Variants in EXOC4 observed in about 807,000 individuals in gnomAD.
The protein encoded by EXOC4 is SEC8-like 1.
In EXOC4, 71 loss-of-function variants were observed where a neutral mutation model predicts 107.2. The observed-to-expected ratio is 0.66, with a 90% confidence interval of 0.55 to 0.81. EXOC4 has a LOEUF of 0.81. Among genes scored for constraint, EXOC4 ranks in the 30% least tolerant of loss-of-function variants. The pLI is 0.00. For missense variants in EXOC4, 1,108 were observed against 1,189.6 expected (o/e 0.93, Z 1.01); for synonymous variants, 456 against 441.2 (o/e 1.03, Z -0.42).
intron 17 of EXOC4, among the ~76,000 whole-genome samples, chr7:134,031,127 G>A (rs182052196): frequency 3.3e-5 from 5 of 152,302 alleles, no homozygotes; most frequent in African/African-American, 9.6e-5. Context: ...TAGCGGGGAA[G>A]GGGATAACAG....
intron 14 of EXOC4, among the ~76,000 whole-genome samples, chr7:133,995,571 G>T (rs1314223710): frequency 6.6e-6 from 1 of 152,164 alleles, no homozygotes; most frequent in Non-Finnish European, 1.5e-5. Context: ...CGTTAGAGAG[G>T]AGATGCAATG....
At chr7:134,025,593 T>G (rs926675409) in intron 17 of EXOC4, among the ~76,000 whole-genome samples, 2 of 152,196 alleles carry the variant, frequency 1.3e-5, no homozygotes, top group Admixed American at 6.5e-5. Context: ...GCTTGCCTCA[T>G]CTGTCTGGTG....
At chr7:134,087,609 A>G in the EXOC4 span, among the ~76,000 whole-genome samples, 1 of 152,196 alleles carries the variant, frequency 6.6e-6, no homozygotes, top group Non-Finnish European at 1.5e-5. Flanking sequence ...GATGATTTCA[A>G]TATGTGCCCA....
rs1285439878 is a variant in EXOC4, at chr7:134,007,803, C to T, written c.2655C>T (p.Thr885=). Reference sequence around the variant, plus strand: ...TTCAGCAGAATTTGACCAACATCACCATGTCGCGGGAGGCAGACCTGGACT... The same window carrying T: ...TTCAGCAGAATTTGACCAACATCACTATGTCGCGGGAGGCAGACCTGGACT... ...FVLQQNLTNI[T]MSREADLDFA... Residue 885 remains threonine, a synonymous_variant, in exon 17 of 18, where the codon ACC becomes ACT. Transcript: ENST00000253861. 1 of 1,613,390 alleles carries T rather than the reference C, an allele frequency of 6.2e-7. No homozygotes were observed. The highest frequency in any genetic ancestry group is 1.7e-5 in the Admixed American group (1 of 59,916).
At chr7:133,978,436 G>A (rs914795130) in intron 14 of EXOC4, among the ~76,000 whole-genome samples, 4 of 152,110 alleles carry the variant, frequency 2.6e-5, no homozygotes, top group African/African-American at 9.7e-5. Flanking sequence ...ACTACTTCCT[G>A]GTCCAGTCTT....
At chr7:133,388,172 G>C (rs1796770756) in intron 7 of EXOC4, among the ~76,000 whole-genome samples, 1 of 152,016 alleles carries the variant, frequency 6.6e-6, no homozygotes, top group African/African-American at 2.4e-5. Flanking sequence ...CAGTAGAATG[G>C]TTCCCCATGT....
intron 14 of EXOC4, among the ~76,000 whole-genome samples, chr7:133,971,401 G>GAGAAAA (rs1296299775): frequency 9.0e-6 from 1 of 110,718 alleles, no homozygotes; most frequent in Non-Finnish European, 1.8e-5. Context: ...GAGAGAGAGA[G>GAGAAAA]AAAGAGAGAG....
intron 11 of EXOC4, among the ~76,000 whole-genome samples, chr7:133,861,845 A>G (rs564790732): frequency 6.6e-6 from 1 of 152,288 alleles, no homozygotes; most frequent in East Asian, 1.9e-4. Flanking sequence ...GGAATCCCCA[A>G]TTTTAACAAG....
chr7:133,739,827 A>C (rs1795526744), intron 10 of EXOC4, among the ~76,000 whole-genome samples: 1 of 152,148 alleles, frequency 6.6e-6, no homozygotes, highest in Admixed American at 6.5e-5. Context: ...AATATTTCAA[A>C]AGGGTAGTAT....
chr7:134,023,990 T>C (rs1209221524), intron 17 of EXOC4, among the ~76,000 whole-genome samples: 1 of 152,136 alleles, frequency 6.6e-6, no homozygotes, highest in Admixed American at 6.5e-5. Flanking sequence ...CAGAGAGACC[T>C]GGCATGGCAG....
intron 7 of EXOC4, among the ~76,000 whole-genome samples, chr7:133,415,587 A>G (rs1207076617): frequency 6.6e-6 from 1 of 152,168 alleles, no homozygotes; most frequent in African/African-American, 2.4e-5. Context: ...ACATTGGCAT[A>G]TATTGTTTCT....
At chr7:133,479,858 C>T (rs765039059) in intron 8 of EXOC4, among the ~76,000 whole-genome samples, 192 bp from the exon 9 acceptor site, 22 of 152,192 alleles carry the variant, frequency 1.4e-4, no homozygotes, top group Non-Finnish European at 2.9e-4. Context: ...GGAGCCTTAG[C>T]CAGGAATATC....
chr7:134,078,658 GT>G, the EXOC4 span, among the ~76,000 whole-genome samples: 33 of 152,294 alleles, frequency 2.2e-4, no homozygotes, highest in Middle Eastern at 3.4e-3. Context: ...GGATGTAAAT[GT>G]TAATGGTTTT....
chr7:133,333,258 A>G (rs1462049662), intron 5 of EXOC4, among the ~76,000 whole-genome samples: 1 of 152,162 alleles, frequency 6.6e-6, no homozygotes, highest in Non-Finnish European at 1.5e-5. Flanking sequence ...CTTATTGCTC[A>G]AATTGTCCCA....
chr7:133,424,225 T>C (rs62472378), intron 7 of EXOC4, among the ~76,000 whole-genome samples: 20,546 of 152,106 alleles, frequency 0.14, 1,897 homozygotes, highest in Non-Finnish European at 0.2. Context: ...TGCTGCTCAC[T>C]CTTTGGGTGC....
intron 9 of EXOC4, among the ~76,000 whole-genome samples, chr7:133,535,117 T>G (rs1800248831): frequency 6.6e-6 from 1 of 152,212 alleles, no homozygotes. Context: ...GAGTGTCAAA[T>G]GCTTATCTGT....
At chr7:133,846,665 C>T (rs1352802538) in intron 11 of EXOC4, among the ~76,000 whole-genome samples, 1 of 152,206 alleles carries the variant, frequency 6.6e-6, no homozygotes, top group Non-Finnish European at 1.5e-5. Context: ...GTCTGTGTTG[C>T]AGCTATGCGG....
chr7:133,280,222 A>G (rs938457622), intron 2 of EXOC4, among the ~76,000 whole-genome samples: 3 of 152,240 alleles, frequency 2.0e-5, no homozygotes, highest in Admixed American at 2.0e-4. Context: ...AATGTGGACA[A>G]TAAGCAAAAT....
At chr7:133,990,438 GACAGGATTTTATTCTTT>G (rs1794225314) in intron 14 of EXOC4, among the ~76,000 whole-genome samples, 2 of 152,046 alleles carry the variant, frequency 1.3e-5, no homozygotes, top group African/African-American at 4.8e-5. Context: ...TTGCTCGAAT[GACAGGATTTTATTCTTT>G]TTGTTTGTTT....
Sources: allele counts gnomAD v4.1 joint callset (sites outside exome capture counted in the v4.1 genomes callset), GRCh38; gene constraint gnomAD v4.1.1; transcripts MANE v1.5; gene names NCBI Gene and HGNC (gene_info 2026-07-23, HGNC 2026-07-21).